The following BBS9 variants were observed in gnomAD, a reference collection of about 807,000 sequenced individuals.
BBS9 encodes protein PTHB1.
In BBS9, 89 loss-of-function variants were observed where a neutral mutation model predicts 117.7. The ratio of observed to expected loss-of-function variants is 0.76; its 90% CI spans 0.64 to 0.90. The LOEUF is 0.90. BBS9 is among the 40% of genes least tolerant of loss of function. BBS9 has a pLI of 0.00. For missense variants in BBS9, 982 were observed against 1,042.2 expected, an observed-to-expected ratio of 0.94 and a Z score of 0.80; for synonymous variants, 379 against 370.9, an observed-to-expected ratio of 1.02 and a Z score of -0.25.
At chr7:33,266,926 G>A (rs1403489941) in intron 7 of BBS9, among the ~76,000 whole-genome samples, 1 of 152,040 alleles carries the variant, frequency 6.6e-6, no homozygotes, top group Non-Finnish European at 1.5e-5. Context: ...TGTATTTTTA[G>A]TACAGATGGG....
intron 3 of BBS9, 33 bp from the exon 4 acceptor site, chr7:33,155,605 T>G: frequency 6.7e-7 from 1 of 1,482,682 alleles, no homozygotes; most frequent in East Asian, 2.3e-5. Context: ...AAGCTAATAT[T>G]GGAAAACTTT....
intron 19 of BBS9, among the ~76,000 whole-genome samples, chr7:33,496,214 A>G (rs189911281): frequency 1.7e-3 from 255 of 152,294 alleles, no homozygotes; most frequent in Middle Eastern, 3.4e-3. Flanking sequence ...ATGATTAAAA[A>G]TGTATTCTGG....
At chr7:33,155,534 C>T (rs1793964111) in intron 3 of BBS9, 104 bp from the exon 4 acceptor site, 1 of 722,128 alleles carries the variant, frequency 1.4e-6, no homozygotes, top group African/African-American at 1.8e-5. Context: ...TTTGTTTACT[C>T]ACAGTGGCTG....
intron 21 of BBS9, among the ~76,000 whole-genome samples, chr7:33,556,373 C>T (rs536031344): frequency 6.6e-6 from 1 of 152,290 alleles, no homozygotes; most frequent in African/African-American, 2.4e-5. Flanking sequence ...TTTTCCCAGT[C>T]TTATGTTTTC....
chr7:33,428,598 C>T (rs1833968597), intron 19 of BBS9, among the ~76,000 whole-genome samples: 1 of 152,162 alleles, frequency 6.6e-6, no homozygotes, highest in African/African-American at 2.4e-5. Context: ...GGTACACATT[C>T]CTCATCTAAA....
At chr7:33,322,730 T>C (rs1812000405) in intron 9 of BBS9, among the ~76,000 whole-genome samples, 1 of 152,084 alleles carries the variant, frequency 6.6e-6, no homozygotes, top group South Asian at 2.1e-4. Context: ...TATTTCAATG[T>C]CATTTATTTC....
At chr7:33,630,257 A>G (rs1865823430) in intron 21 of BBS9, among the ~76,000 whole-genome samples, 1 of 152,222 alleles carries the variant, frequency 6.6e-6, no homozygotes, top group Non-Finnish European at 1.5e-5. Flanking sequence ...TAATTTACAC[A>G]TATATGGAGG....
chr7:33,354,236 A>G (rs78936217), intron 15 of BBS9, among the ~76,000 whole-genome samples: 4,271 of 152,240 alleles, frequency 0.028, 196 homozygotes, highest in African/African-American at 0.092. Context: ...TAGGCAAGAA[A>G]ATAATATGTT....
At chr7:33,197,433 G>A (rs1181303596) in intron 5 of BBS9, among the ~76,000 whole-genome samples, 2 of 151,926 alleles carry the variant, frequency 1.3e-5, no homozygotes, top group Non-Finnish European at 2.9e-5. Context: ...TGAACAATCT[G>A]CCCTTCCCCC....
intron 20 of BBS9, among the ~76,000 whole-genome samples, chr7:33,518,819 A>T (rs1488898015): frequency 6.6e-6 from 1 of 152,226 alleles, no homozygotes; most frequent in Non-Finnish European, 1.5e-5. Context: ...CTGCTCCCCT[A>T]CTGTTATCTT....
chr7:33,248,315 A>G (rs1043852091), intron 5 of BBS9, among the ~76,000 whole-genome samples: 1 of 152,188 alleles, frequency 6.6e-6, no homozygotes, highest in African/African-American at 2.4e-5. Flanking sequence ...TAAGGTTTTA[A>G]ACTTAGAATC....
At chr7:33,353,579 A>G (rs1167253405) in intron 15 of BBS9, among the ~76,000 whole-genome samples, 2 of 152,118 alleles carry the variant, frequency 1.3e-5, no homozygotes, top group South Asian at 2.1e-4. Flanking sequence ...AGCAGGCACT[A>G]CAAGTATCTC....
At chr7:33,348,233 G>A (rs780782594) in intron 12 of BBS9, among the ~76,000 whole-genome samples, 1 of 151,974 alleles carries the variant, frequency 6.6e-6, no homozygotes, top group Non-Finnish European at 1.5e-5. Context: ...TCATATAAAT[G>A]GATCATACAA....
intron 21 of BBS9, among the ~76,000 whole-genome samples, chr7:33,565,799 A>ACCGC (rs199919869): frequency 1.4e-3 from 58 of 42,390 alleles, no homozygotes; most frequent in African/African-American, 9.4e-3. Flanking sequence ...ATATATATAT[A>ACCGC]TATATATATA....
chr7:33,324,585 T>G (rs1362190069), intron 9 of BBS9, among the ~76,000 whole-genome samples: 1 of 150,886 alleles, frequency 6.6e-6, no homozygotes, highest in Non-Finnish European at 1.5e-5. Flanking sequence ...GATTTCTTAT[T>G]GCTAGTTAAC....
intron 21 of BBS9, among the ~76,000 whole-genome samples, chr7:33,582,665 C>G (rs571784406): frequency 1.3e-4 from 20 of 152,170 alleles, no homozygotes; most frequent in African/African-American, 4.6e-4. Flanking sequence ...TCATTTTATT[C>G]AATTCAGTAA....
rs1263779751 is a variant in BBS9, at chr7:33,581,075, T to TG, written c.2522-23790_2522-23789insG. 2.1e-3 allele frequency among the ~76,000 whole-genome samples: 294 copies of TG among 140,626 alleles called. 1 individual carries two copies. The highest frequency in any genetic ancestry group is 8.0e-3 in the African/African-American group (270 of 33,562). The allele number at this position is 140,626 out of a possible 152,430, so 92.3% of individuals were successfully genotyped here. On this transcript the variant is annotated intron_variant, in intron 21 of 22. Transcript: ENST00000242067. ...GAAAGGTGTGTATTTTGTGTGTATT[T>TG]TTGTGTGTGTGTGTGTGTGTGAGAG...
intron 9 of BBS9, among the ~76,000 whole-genome samples, chr7:33,317,423 G>A (rs1447250086): frequency 1.3e-5 from 2 of 150,058 alleles, no homozygotes; most frequent in Non-Finnish European, 3.0e-5. Flanking sequence ...GGATTATGTT[G>A]CATCTGTAGA....
At chr7:33,408,049 A>G (rs1285780815) in intron 19 of BBS9, among the ~76,000 whole-genome samples, 2 of 152,132 alleles carry the variant, frequency 1.3e-5, no homozygotes, top group Non-Finnish European at 2.9e-5. Context: ...GGTGGAGCCT[A>G]CAGAGGCAGG....
Sources: gnomAD v4.1 joint callset for allele counts (sites outside exome capture counted in the v4.1 genomes callset) on GRCh38, gnomAD v4.1.1 for gene constraint, MANE v1.5 for transcripts, NCBI Gene and HGNC (gene_info 2026-07-23, HGNC 2026-07-21) for gene names.